GEM: variants seen among roughly 807,000 people sequenced by gnomAD.
The protein encoded by GEM is GTP-binding protein GEM.
Under a neutral mutation model 33.0 loss-of-function variants are expected in GEM, and 31 were observed. The ratio of observed to expected loss-of-function variants is 0.94; its 90% CI spans 0.71 to 1.27. GEM has a LOEUF of 1.27. GEM is among the 50% of genes most tolerant of loss of function. The pLI is 0.00. For missense variants in GEM, 354 were observed against 390.5 expected, an observed-to-expected ratio of 0.91 and a Z score of 0.79; for synonymous variants, 141 against 143.7, an observed-to-expected ratio of 0.98 and a Z score of 0.13.
At position 94,250,337 on chromosome 8, in the gene GEM, T is replaced by C. The variant is rs773272814; in HGVS notation, c.864A>G (p.Lys288=). The C allele has an allele frequency of 1.2e-6, 2 of 1,613,982 alleles. No individual in the cohort carries two copies. Among genetic ancestry groups the C allele is most frequent in the Admixed American group, 3.3e-5 (2 of 59,998 alleles). Residue 288 remains lysine, a synonymous_variant, in exon 5 of 5, where the codon AAA becomes AAG. Transcript: ENST00000297596. ...AGAGTACAGAGAGGTCATGGCAGGATTTGGACTTGAGCTTGAAGGCCATAT... is the reference window on the plus strand; with the variant it reads ...AGAGTACAGAGAGGTCATGGCAGGACTTGGACTTGAGCTTGAAGGCCATAT... The part of the protein sequence containing the change: ...NKNMAFKLKS[K]SCHDLSVL
At chr8:94,257,198 GA>G (rs1303995626) in intron 2 of GEM, among the ~76,000 whole-genome samples, 4 of 150,226 alleles carry the variant, frequency 2.7e-5, no homozygotes, top group African/African-American at 9.8e-5. Context: ...TTTCATTTTT[GA>G]GATGGAGTTT....
At chr8:94,258,550 G>C (rs1268700561) in intron 2 of GEM, among the ~76,000 whole-genome samples, 1 of 152,252 alleles carries the variant, frequency 6.6e-6, no homozygotes, top group Non-Finnish European at 1.5e-5. Flanking sequence ...GCTATGAAAA[G>C]ACACAGGATT....
Position 94,250,281 on chromosome 8 carries a change from C to A in GEM, c.*29G>T. ...CCCAATGGCCTTCAACAACGGCCAT[C>A]AAAGGGACATCTGGGTGACCCTGGG... On this transcript the variant is annotated 3_prime_UTR_variant, in exon 5 of 5. Transcript: ENST00000297596. 1 of 1,580,926 alleles carries A rather than the reference C, an allele frequency of 6.3e-7. No homozygotes were observed. The highest frequency in any genetic ancestry group is 8.6e-7 in the Non-Finnish European group (1 of 1,159,510).
chr8:94,260,396 C>G lies in GEM; in HGVS notation c.108G>C (p.Glu36Asp), dbSNP rs769925332. 6.2e-7 allele frequency: 1 copy of G among 1,613,968 alleles called. No individual in the cohort carries two copies. Among genetic ancestry groups the G allele is most frequent in the Admixed American group, 1.7e-5 (1 of 60,020 alleles). ...GGTTGCGGTGGCTGTACTGGTGGGG[C>G]TCTTTCTGGACCATCAGATGCCTGC... ...ADGRHLMVQKEPHQYSHRNRH... is the reference protein window; with the variant it reads ...ADGRHLMVQKDPHQYSHRNRH... The change falls in exon 2 of 5, where the codon GAG becomes GAC. Residue 36 changes from glutamate to aspartate, a missense_variant. Glu to Asp is a conservative substitution (Grantham distance 45, BLOSUM62 2). Coordinates refer to ENST00000297596, the MANE Select transcript of GEM (RefSeq NM_005261.4).
intron 2 of GEM, among the ~76,000 whole-genome samples, chr8:94,258,911 C>T (rs1402909221): frequency 6.6e-6 from 1 of 152,130 alleles, no homozygotes; most frequent in Non-Finnish European, 1.5e-5. Flanking sequence ...TAAACAGCAG[C>T]AAATATAAGG....
At chr8:94,261,564 T>G (rs2470725) in intron 1 of GEM, among the ~76,000 whole-genome samples, 85,649 of 151,516 alleles carry the variant, frequency 0.57, 24,584 homozygotes, top group Middle Eastern at 0.64. Flanking sequence ...GGCCTCACTA[T>G]GTTGCCCAGG....
At chr8:94,260,729 C>T in intron 1 of GEM, 1 of 500,008 alleles carries the variant, frequency 2.0e-6, no homozygotes, top group South Asian at 3.6e-5. Flanking sequence ...ACCAGCTCCT[C>T]AGGCAGACTA....
At chr8:94,259,648 T>C (rs1215640099) in intron 2 of GEM, among the ~76,000 whole-genome samples, 4 of 152,244 alleles carry the variant, frequency 2.6e-5, no homozygotes, top group Non-Finnish European at 5.9e-5. Context: ...ATAGAAAGTT[T>C]CATTGTTATA....
Position 94,260,409 on chromosome 8 carries a change from A to T in GEM, c.95T>A (p.Met32Lys). The change falls in exon 2 of 5, where the codon ATG (methionine) becomes AAG (lysine). Residue 32 changes from methionine to lysine, a missense_variant. Coordinates refer to ENST00000297596, the MANE Select transcript of GEM (RefSeq NM_005261.4). ...GTACTGGTGGGGCTCTTTCTGGACC[A>T]TCAGATGCCTGCCATCAGCTGGGAT... ...WSIPADGRHLMVQKEPHQYSH... is the reference protein window; with the variant it reads ...WSIPADGRHLKVQKEPHQYSH... 1 of 1,614,012 alleles carries T rather than the reference A, an allele frequency of 6.2e-7. No homozygotes were observed. Among genetic ancestry groups the T allele is most frequent in the South Asian group, 1.1e-5 (1 of 91,076 alleles).
Position 94,260,180 on chromosome 8 carries a change from C to T in GEM, c.324G>A (p.Val108=). The T allele has an allele frequency of 6.3e-7, 1 of 1,585,938 alleles. No homozygotes were observed. The highest frequency in any genetic ancestry group is 8.6e-7 in the Non-Finnish European group (1 of 1,156,490). Residue 108 remains valine (V), a synonymous_variant, in exon 2 of 5, where the codon GTG becomes GTA. Transcript: ENST00000297596. ...VHDSMDSDCE[V]LGEDTYERTL... Reference sequence around the variant, plus strand: ...TGGGGCTGGGACACCTACCTCCCAGCACCTCGCAGTCGCTGTCCATGCTGT... The same window carrying T: ...TGGGGCTGGGACACCTACCTCCCAGTACCTCGCAGTCGCTGTCCATGCTGT...
At chr8:94,259,386 G>A (rs756783085) in intron 2 of GEM, among the ~76,000 whole-genome samples, 1 of 152,170 alleles carries the variant, frequency 6.6e-6, no homozygotes, top group Non-Finnish European at 1.5e-5. Flanking sequence ...GCTGCAAATA[G>A]GGACATATAA....
At chr8:94,255,023 G>A (rs901033533) in intron 2 of GEM, among the ~76,000 whole-genome samples, 4 of 152,164 alleles carry the variant, frequency 2.6e-5, no homozygotes, top group African/African-American at 9.7e-5. Context: ...GTCAGAGCCT[G>A]AGCAGCACAG....
At chr8:94,254,205 T>G (rs1043729632) in intron 2 of GEM, among the ~76,000 whole-genome samples, 1 of 152,172 alleles carries the variant, frequency 6.6e-6, no homozygotes, top group Admixed American at 6.5e-5. Flanking sequence ...TTAACTTACT[T>G]ATTCTATTAT....
At chr8:94,252,327 G>A in intron 3 of GEM, 104 bp from the exon 4 acceptor site, 1 of 746,892 alleles carries the variant, frequency 1.3e-6, no homozygotes, top group Non-Finnish European at 2.2e-6. Context: ...CTTGCTGATA[G>A]GAAAAATAGG....
At position 94,252,148 on chromosome 8, in the gene GEM, G is replaced by C; in HGVS notation, c.484C>G (p.Arg162Gly). 1 of 1,613,294 alleles carries C rather than the reference G, an allele frequency of 6.2e-7. No homozygotes were observed. The highest frequency in any genetic ancestry group is 8.5e-7 in the Non-Finnish European group (1 of 1,179,312). Residue 162 changes from arginine to glycine, a missense_variant, in exon 4 of 5, where the codon CGA (arginine) becomes GGA (glycine). Transcript: ENST00000297596. ...AYLIVYSITD[R>G]ASFEKASELR... ...TCAGATGCCTTCTCGAAGCTCGCTCGGTCTGTGATTGAGTAGACAATCAGG... is the reference window on the plus strand; with the variant it reads ...TCAGATGCCTTCTCGAAGCTCGCTCCGTCTGTGATTGAGTAGACAATCAGG...
chr8:94,249,984 G>A lies in GEM; in HGVS notation c.*326C>T. The A allele has an allele frequency of 4.3e-6, 1 of 230,796 alleles. No homozygotes were observed. Among genetic ancestry groups the A allele is most frequent in the Non-Finnish European group, 8.3e-6 (1 of 120,720 alleles). 14.3% of individuals were successfully genotyped at this position (230,796 alleles called of 1,614,324 possible). ...AACACTGGGAAAAATTTTTAATGAT[G>A]AAAAGTTCTTGTTCTAGGCATTCTT... On this transcript the variant is annotated 3_prime_UTR_variant, in exon 5 of 5. Coordinates refer to ENST00000297596, the MANE Select transcript of GEM (RefSeq NM_005261.4).
At chr8:94,253,178 A>G in intron 2 of GEM, 66 bp from the exon 3 acceptor site, 2 of 845,142 alleles carry the variant, frequency 2.4e-6, no homozygotes, top group East Asian at 2.4e-5. Flanking sequence ...TAAGAGGGTC[A>G]GGTAGAAAAT....
chr8:94,254,491 T>A (rs1808845709), intron 2 of GEM, among the ~76,000 whole-genome samples: 1 of 152,134 alleles, frequency 6.6e-6, no homozygotes, highest in Non-Finnish European at 1.5e-5. Context: ...ACTCACACCT[T>A]AGGGCTATGT....
chr8:94,252,965 C>A, intron 3 of GEM, 71 bp downstream of exon 3: 2 of 839,012 alleles, frequency 2.4e-6, no homozygotes, highest in South Asian at 2.9e-5. Flanking sequence ...AGGACAAGGT[C>A]ACCCTTGCAC....
Sources: gnomAD v4.1 joint callset for allele counts (sites outside exome capture counted in the v4.1 genomes callset) on GRCh38, gnomAD v4.1.1 for gene constraint, MANE v1.5 for transcripts, NCBI Gene and HGNC (gene_info 2026-07-23, HGNC 2026-07-21) for gene names.